Variants in MOXD1 observed in about 807,000 individuals in gnomAD.
MOXD1 encodes DBH-like monooxygenase protein 1.
MOXD1 carries 62 observed loss-of-function variants against 66.6 expected under a neutral mutation model. The observed-to-expected ratio is 0.93, with a 90% confidence interval of 0.76 to 1.15. The LOEUF (loss-of-function observed/expected upper bound fraction) is 1.15. MOXD1 is among the 50% of genes most tolerant of loss of function. The pLI, the probability that MOXD1 is intolerant of heterozygous loss-of-function variation, is 0.00. For synonymous variants in MOXD1, 303 were observed against 281.9 expected (o/e 1.07, Z -0.75); for missense variants, 847 against 754.6 (o/e 1.12, Z -1.44).
chr6:132,339,924 C>A (rs1775515893), intron 4 of MOXD1, among the ~76,000 whole-genome samples: 1 of 144,806 alleles, frequency 6.9e-6, no homozygotes, highest in Non-Finnish European at 1.5e-5. Flanking sequence ...GGCTAGAGTG[C>A]AGTGGTATGA....
At chr6:132,336,082 C>G (rs924426351) in intron 4 of MOXD1, among the ~76,000 whole-genome samples, 1 of 152,156 alleles carries the variant, frequency 6.6e-6, no homozygotes, top group Non-Finnish European at 1.5e-5. Flanking sequence ...ACCTGTGGCT[C>G]CTTGCTTGTT....
chr6:132,376,020 A>G (rs978790201), intron 1 of MOXD1, among the ~76,000 whole-genome samples: 4 of 152,162 alleles, frequency 2.6e-5, no homozygotes, highest in African/African-American at 9.7e-5. Context: ...TATCCCCAAA[A>G]TATCTTCTTA....
intron 4 of MOXD1, among the ~76,000 whole-genome samples, chr6:132,359,702 G>T (rs868127888): frequency 4.6e-5 from 7 of 151,850 alleles, no homozygotes; most frequent in East Asian, 3.9e-4. Context: ...TAGCCAGGAT[G>T]GTCTCCATCT....
intron 1 of MOXD1, among the ~76,000 whole-genome samples, chr6:132,397,859 T>C: frequency 6.6e-6 from 1 of 152,202 alleles, no homozygotes; most frequent in East Asian, 1.9e-4. Context: ...CATTACATCC[T>C]GCCTGTTCCA....
chr6:132,395,009 G>C (rs1012304340), intron 1 of MOXD1, among the ~76,000 whole-genome samples: 5 of 152,072 alleles, frequency 3.3e-5, no homozygotes, highest in African/African-American at 4.8e-5. Flanking sequence ...GCACATTATA[G>C]TCAAAATATC....
chr6:132,341,774 T>C (rs1382939377), intron 4 of MOXD1, among the ~76,000 whole-genome samples: 2 of 152,226 alleles, frequency 1.3e-5, no homozygotes, highest in Admixed American at 6.5e-5. Flanking sequence ...ATCCTATTCA[T>C]TTTTGAAAGC....
rs1203152544 is a variant in MOXD1, at chr6:132,359,472, T to C, written c.663+13136A>G. Among the ~76,000 whole-genome samples, 6 of 147,786 alleles carry C rather than the reference T, an allele frequency of 4.1e-5. No homozygotes were observed. In the South Asian group the frequency reaches 6.3e-4, roughly 16 times the overall value. On this transcript the variant is annotated intron_variant, in intron 4 of 11. Transcript: ENST00000367963. Reference sequence around the variant, plus strand: ...GAGAATATGATACAAATTGCCAGAGTTTTTTTTTTCTTTTTCTTTTTTTTT... The same window carrying C: ...GAGAATATGATACAAATTGCCAGAGCTTTTTTTTTCTTTTTCTTTTTTTTT...
intron 10 of MOXD1, among the ~76,000 whole-genome samples, chr6:132,305,366 C>T (rs977722060): frequency 6.6e-6 from 1 of 152,242 alleles, no homozygotes; most frequent in East Asian, 1.9e-4. Context: ...AGCTGGATCT[C>T]CCTAGTCCTA....
intron 1 of MOXD1, among the ~76,000 whole-genome samples, chr6:132,395,659 A>T (rs1776855282): frequency 6.6e-6 from 1 of 152,186 alleles, no homozygotes; most frequent in African/African-American, 2.4e-5. Flanking sequence ...GCCATATACT[A>T]ACTGAAATTA....
chr6:132,351,376 T>G (rs1489911188), intron 4 of MOXD1, among the ~76,000 whole-genome samples: 2 of 152,168 alleles, frequency 1.3e-5, no homozygotes, highest in African/African-American at 4.8e-5. Flanking sequence ...GTTGGATGCT[T>G]TTTCTGCATC....
intron 4 of MOXD1, among the ~76,000 whole-genome samples, chr6:132,336,178 C>T (rs142248887): frequency 7.2e-4 from 109 of 152,274 alleles, no homozygotes; most frequent in African/African-American, 2.4e-3. Context: ...AGGAGAGAGG[C>T]GATGGGTGTA....
chr6:132,320,563 T>G (rs1775056324), intron 9 of MOXD1, 66 bp downstream of exon 9: 1 of 1,361,396 alleles, frequency 7.3e-7, no homozygotes, highest in Admixed American at 2.3e-5. Flanking sequence ...TACCTTTTTC[T>G]TCTAAAATCA....
intron 6 of MOXD1, among the ~76,000 whole-genome samples, chr6:132,326,243 C>T (rs1314356931): frequency 2.6e-5 from 4 of 151,894 alleles, no homozygotes; most frequent in Middle Eastern, 3.6e-3. Context: ...AATAAAATTA[C>T]TATAATCTAA....
At chr6:132,375,191 A>G in intron 1 of MOXD1, 1 of 207,474 alleles carries the variant, frequency 4.8e-6, no homozygotes, top group Non-Finnish European at 9.5e-6. Context: ...TCTTTCCATT[A>G]CAACTCCTGG....
At chr6:132,387,573 G>A (rs1210747480) in intron 1 of MOXD1, among the ~76,000 whole-genome samples, 4 of 150,310 alleles carry the variant, frequency 2.7e-5, no homozygotes, top group African/African-American at 7.3e-5. Flanking sequence ...GGCCAACAAG[G>A]TGAAACTCCA....
chr6:132,324,213 T>A (rs1397144899), intron 6 of MOXD1, 116 bp from the exon 7 acceptor site: 2 of 1,039,026 alleles, frequency 1.9e-6, no homozygotes, highest in Non-Finnish European at 2.8e-6. Context: ...ATAGGTTTAT[T>A]TATTTTCCAT....
intron 10 of MOXD1, among the ~76,000 whole-genome samples, chr6:132,313,923 C>G (rs1582564518): frequency 6.6e-6 from 1 of 151,966 alleles, no homozygotes; most frequent in East Asian, 1.9e-4. Flanking sequence ...CTCAAAAAAA[C>G]AAAAACAAAA....
At chr6:132,386,305 G>A (rs1385906235) in intron 1 of MOXD1, among the ~76,000 whole-genome samples, 3 of 148,940 alleles carry the variant, frequency 2.0e-5, no homozygotes, top group African/African-American at 7.4e-5. Flanking sequence ...GGGAGGCTGA[G>A]GCAGGAGAAT....
At chr6:132,361,083 A>G (rs892218834) in intron 4 of MOXD1, among the ~76,000 whole-genome samples, 1 of 152,226 alleles carries the variant, frequency 6.6e-6, no homozygotes, top group Non-Finnish European at 1.5e-5. Flanking sequence ...ATCTCTCTTT[A>G]TTGGTAATGA....
Sources: allele counts gnomAD v4.1 joint callset (sites outside exome capture counted in the v4.1 genomes callset), GRCh38; gene constraint gnomAD v4.1.1; transcripts MANE v1.5; gene names NCBI Gene and HGNC (gene_info 2026-07-23, HGNC 2026-07-21).